RABEPK: variants seen among roughly 807,000 people sequenced by gnomAD.
The protein encoded by RABEPK is Rab9 effector protein with kelch motifs.
In RABEPK, 27 loss-of-function variants were observed where a neutral mutation model predicts 34.1. The observed-to-expected ratio is 0.79, with a 90% CI of 0.58 to 1.09. The LOEUF (loss-of-function observed/expected upper bound fraction) is 1.09. Among genes scored for constraint, RABEPK ranks in the 50% least tolerant of loss-of-function variants. The pLI, the probability that RABEPK is intolerant of heterozygous loss-of-function variation, is 0.00. For missense variants in RABEPK, 449 were observed against 462.6 expected (o/e 0.97, Z 0.27); for synonymous variants, 172 against 169.2 (o/e 1.02, Z -0.13).
rs758843936 is a variant in RABEPK at position 125,220,404 on chromosome 9, A to G, written c.365-135A>G. The stretch of plus-strand genomic sequence containing the variant: ...TCATTCTTCCTTGATGTTTGTGAGT[A>G]TGAGATCCCTGCCCAAAACTATGCT... On this transcript the variant is annotated intron_variant, in intron 4 of 7. Coordinates refer to ENST00000373538, the MANE Select transcript of RABEPK (RefSeq NM_005833.4). 7.5e-6 allele frequency: 11 copies of G among 1,475,372 alleles called. No individual in the cohort carries two copies. In the Admixed American group the frequency reaches 1.9e-4, roughly 25 times the overall value. 91.4% of individuals were successfully genotyped at this position (1,475,372 alleles called of 1,614,324 possible). A position where few individuals can be genotyped will look rare whatever the true frequency, so the allele number is the denominator to read the frequency against.
intron 3 of RABEPK, among the ~76,000 whole-genome samples, chr9:125,212,227 G>A (rs921185145): frequency 1.3e-5 from 2 of 151,862 alleles, no homozygotes; most frequent in Non-Finnish European, 2.9e-5. Flanking sequence ...AGGGTTTTTT[G>A]TTTGTTTGTT....
At chr9:125,208,852 T>C (rs1830408788) in intron 3 of RABEPK, among the ~76,000 whole-genome samples, 1 of 151,962 alleles carries the variant, frequency 6.6e-6, no homozygotes, top group African/African-American at 2.4e-5. Flanking sequence ...CTCTTATCTT[T>C]ATCCATGTCT....
chr9:125,212,484 G>A (rs1830649849), intron 3 of RABEPK, among the ~76,000 whole-genome samples: 2 of 152,036 alleles, frequency 1.3e-5, no homozygotes, highest in Admixed American at 6.6e-5. Context: ...CTCCCAAAGT[G>A]CTGGGATTAC....
rs1280418218 is a variant in RABEPK at position 125,200,567 on chromosome 9, A to T, written c.-346A>T. 2.5e-6 allele frequency: 1 copy of T among 404,262 alleles called. No individual in the cohort carries two copies. Among genetic ancestry groups the T allele is most frequent in the Non-Finnish European group, 5.2e-6 (1 of 191,688 alleles). The allele number at this position is 404,262 out of a possible 1,614,324, so 25.0% of individuals were successfully genotyped here. ...GGAGTCACGGCTCGCGACTGGCCTA[A>T]GTCGCCGCAGGTATTGCAGTCCGGG... On this transcript the variant is annotated 5_prime_UTR_variant, in exon 1 of 8. The change creates a new upstream start codon in the 5' untranslated region. Transcript: ENST00000373538.
chr9:125,211,832 A>G (rs1259689369), intron 3 of RABEPK, among the ~76,000 whole-genome samples: 1 of 152,118 alleles, frequency 6.6e-6, no homozygotes. Flanking sequence ...AGCCAGGCAT[A>G]GTAGCTCACA....
Position 125,220,673 on chromosome 9 carries a change from G to A in RABEPK, c.499G>A (p.Asp167Asn), listed in dbSNP as rs1284484760. 2.5e-6 allele frequency: 4 copies of A among 1,614,084 alleles called. No individual in the cohort carries two copies. The highest frequency in any genetic ancestry group is 3.3e-5 in the Admixed American group (2 of 59,996). The change falls in exon 5 of 8, where the codon GAC becomes AAC. Residue 167 changes from aspartate (D) to asparagine (N), a missense_variant. Asp to Asn is a conservative substitution (Grantham distance 23). Transcript: ENST00000373538. ...GGERGAQPVQDTKLHVFDANT... is the reference protein window; with the variant it reads ...GGERGAQPVQNTKLHVFDANT... ...AGAGAGAGGTGCCCAGCCCGTGCAGGACACGAAGCTGCATGTGTTTGACGC... is the reference window on the plus strand; with the variant it reads ...AGAGAGAGGTGCCCAGCCCGTGCAGAACACGAAGCTGCATGTGTTTGACGC...
chr9:125,220,518 C>T (rs1431464670), intron 4 of RABEPK, 21 bp from the exon 5 acceptor site: 2 of 1,606,244 alleles, frequency 1.2e-6, no homozygotes, highest in South Asian at 2.2e-5. Flanking sequence ...ATTTTAAGTG[C>T]CTGCATTCTC....
At chr9:125,224,778 C>T (rs1308051298) in intron 5 of RABEPK, among the ~76,000 whole-genome samples, 1 of 152,054 alleles carries the variant, frequency 6.6e-6, no homozygotes, top group Non-Finnish European at 1.5e-5. Context: ...CCTTATTTTA[C>T]AGCCATAGAA....
At chr9:125,220,903 A>C (rs1431476987) in intron 5 of RABEPK, 2 of 613,862 alleles carry the variant, frequency 3.3e-6, no homozygotes, top group African/African-American at 1.9e-5. Flanking sequence ...ATGGTGGCTC[A>C]CACCTGTAAT....
At chr9:125,213,613 A>T in intron 4 of RABEPK, 91 bp downstream of exon 4, 1 of 1,157,678 alleles carries the variant, frequency 8.6e-7, no homozygotes, top group Non-Finnish European at 1.2e-6. Context: ...TTATAATTCC[A>T]GTACATTTGG....
chr9:125,203,133 A>G (rs1262472194), intron 2 of RABEPK, 67 bp downstream of exon 2: 8 of 1,406,490 alleles, frequency 5.7e-6, no homozygotes, highest in Middle Eastern at 3.6e-4. Flanking sequence ...TAGTTTATTT[A>G]CATATTTGAT....
At chr9:125,205,391 A>G (rs1179530181) in intron 2 of RABEPK, among the ~76,000 whole-genome samples, 5 of 152,146 alleles carry the variant, frequency 3.3e-5, no homozygotes, top group African/African-American at 1.2e-4. Context: ...CCATCTCTGG[A>G]TGGCTGTGTG....
chr9:125,202,764 A>G (rs1448591159), intron 1 of RABEPK, among the ~76,000 whole-genome samples: 3 of 152,172 alleles, frequency 2.0e-5, no homozygotes, highest in Non-Finnish European at 4.4e-5. Flanking sequence ...TGGGAGGCAG[A>G]GGTTGCCATG....
intron 1 of RABEPK, among the ~76,000 whole-genome samples, chr9:125,201,403 A>T (rs1486878473): frequency 6.6e-6 from 1 of 152,228 alleles, no homozygotes; most frequent in Admixed American, 6.6e-5. Flanking sequence ...AAAAAGCTCA[A>T]CAGCAGAAGG....
rs770353514 is a variant in RABEPK, at chr9:125,228,019, G to A, written c.636G>A (p.Ala212=). The change falls in exon 6 of 8, where the codon GCG becomes GCA. Residue 212 remains alanine, a synonymous_variant. Transcript: ENST00000373538. ...GTKLFIHGGL[A]GDRFYDDLHC... ...AGCTCTTCATCCACGGAGGCTTGGC[G>A]GGGGACAGATTCTATGATGACCTCC... 42 of 1,605,026 alleles carry A rather than the reference G, an allele frequency of 2.6e-5. No homozygotes were observed. The highest frequency in any genetic ancestry group is 1.7e-4 in the Middle Eastern group (1 of 6,036).
chr9:125,201,174 T>A (rs1829883128), intron 1 of RABEPK, among the ~76,000 whole-genome samples: 1 of 152,118 alleles, frequency 6.6e-6, no homozygotes, highest in African/African-American at 2.4e-5. Context: ...TGGATGTGGG[T>A]GGAAGAGAAA....
Position 125,201,682 on chromosome 9 carries a change from C to T in RABEPK, c.-7+776C>T, listed in dbSNP as rs958158277. 1.1e-4 allele frequency among the ~76,000 whole-genome samples: 16 copies of T among 151,968 alleles called. 1 individual carries two copies. The highest frequency in any genetic ancestry group is 1.3e-4 in the Admixed American group (2 of 15,240). ...GGCTGGAGTGCAAGTGGCGCAATTT[C>T]GGCTCACTGCAACCTCCGCCTCTTG... On this transcript the variant is annotated intron_variant, in intron 1 of 7. Coordinates refer to ENST00000373538, the MANE Select transcript of RABEPK (RefSeq NM_005833.4).
intron 4 of RABEPK, among the ~76,000 whole-genome samples, chr9:125,215,300 T>C (rs1830861157): frequency 6.6e-6 from 1 of 151,838 alleles, no homozygotes; most frequent in South Asian, 2.1e-4. Flanking sequence ...TTTGGGTTTT[T>C]TTATTGTTGG....
Position 125,220,558 on chromosome 9 carries a change from G to C in RABEPK, c.384G>C (p.Thr128=). 6.2e-7 allele frequency: 1 copy of C among 1,613,858 alleles called. No homozygotes were observed. The highest frequency in any genetic ancestry group is 8.5e-7 in the Non-Finnish European group (1 of 1,179,902). The change falls in exon 5 of 8, where the codon ACG becomes ACC. Residue 128 remains threonine (T), a synonymous_variant. Transcript: ENST00000373538. ...VLNPETRTWT[T]PEVTSPPPSP... is the part of the protein sequence containing the mutation. ...GCCCAGAAACCAGGACGTGGACCAC[G>C]CCAGAAGTGACCAGCCCCCCACCAT...
Sources: gnomAD v4.1 joint callset for allele counts (sites outside exome capture counted in the v4.1 genomes callset) on GRCh38, gnomAD v4.1.1 for gene constraint, MANE v1.5 for transcripts, NCBI Gene and HGNC (gene_info 2026-07-23, HGNC 2026-07-21) for gene names.